TTC28: variants seen among roughly 807,000 people sequenced by gnomAD.
TTC28 encodes tetratricopeptide repeat protein 28.
A neutral mutation model predicts 198.0 loss-of-function variants in TTC28; 61 were observed. The ratio of observed to expected loss-of-function variants is 0.31; its 90% CI spans 0.25 to 0.38. The LOEUF is 0.38. TTC28 is among the 10% of genes least tolerant of loss of function. TTC28 has a pLI of 1.00. For synonymous variants in TTC28, 1,171 were observed against 1,297.8 expected, an observed-to-expected ratio of 0.90 and a Z score of 2.10; for missense variants, 2,678 against 3,164.0, an observed-to-expected ratio of 0.85 and a Z score of 3.69.
At chr22:28,100,415 A>G (rs1942108334) in intron 9 of TTC28, among the ~76,000 whole-genome samples, 1 of 152,260 alleles carries the variant, frequency 6.6e-6, no homozygotes, top group South Asian at 2.1e-4. Flanking sequence ...GCAAATCACA[A>G]TATCAACACA....
chr22:28,342,792 C>G (rs1201114081), intron 2 of TTC28, among the ~76,000 whole-genome samples: 1 of 152,174 alleles, frequency 6.6e-6, no homozygotes, highest in African/African-American at 2.4e-5. Context: ...AGCTCTTGAT[C>G]ACATTATAGC....
chr22:28,527,963 G>T (rs1385862715), intron 2 of TTC28, among the ~76,000 whole-genome samples: 1 of 152,114 alleles, frequency 6.6e-6, no homozygotes, highest in East Asian at 1.9e-4. Flanking sequence ...CAGAACAAGT[G>T]TGCATGTAAG....
At chr22:28,440,088 G>A (rs535101438) in intron 2 of TTC28, among the ~76,000 whole-genome samples, 57 of 152,280 alleles carry the variant, frequency 3.7e-4, no homozygotes, top group African/African-American at 1.3e-3. Context: ...CGCTCGCCTC[G>A]GCCTCCCAAA....
intron 5 of TTC28, among the ~76,000 whole-genome samples, chr22:28,167,848 G>T (rs1256349070): frequency 5.9e-5 from 9 of 152,154 alleles, no homozygotes; most frequent in South Asian, 4.1e-4. Flanking sequence ...AGGAAATAAA[G>T]GGTATTCAAT....
chr22:28,068,730 T>C (rs569283501), intron 12 of TTC28, among the ~76,000 whole-genome samples: 2 of 152,318 alleles, frequency 1.3e-5, no homozygotes, highest in East Asian at 3.9e-4. Context: ...AGGTAAATTC[T>C]CAAGGACTGC....
At chr22:28,111,457 T>A (rs1942479564) in intron 6 of TTC28, among the ~76,000 whole-genome samples, 1 of 152,236 alleles carries the variant, frequency 6.6e-6, no homozygotes, top group East Asian at 1.9e-4. Flanking sequence ...GAATTTAACA[T>A]GTGGTCCTAA....
At chr22:28,401,854 A>C (rs1220970099) in intron 2 of TTC28, among the ~76,000 whole-genome samples, 2 of 152,238 alleles carry the variant, frequency 1.3e-5, no homozygotes, top group African/African-American at 4.8e-5. Flanking sequence ...TAATTTACTG[A>C]TTGATGATGC....
chr22:28,615,650 A>G (rs1306564917), intron 2 of TTC28, among the ~76,000 whole-genome samples: 3 of 152,188 alleles, frequency 2.0e-5, no homozygotes, highest in Non-Finnish European at 4.4e-5. Flanking sequence ...TTGCAGGGAC[A>G]TGGATGAAGC....
intron 2 of TTC28, among the ~76,000 whole-genome samples, chr22:28,486,373 C>CT (rs2048315057): frequency 1.3e-5 from 2 of 152,074 alleles, no homozygotes; most frequent in African/African-American, 4.8e-5. Flanking sequence ...ATGAGACTAG[C>CT]TGCACACTGA....
chr22:28,468,868 G>A (rs2048062235), intron 2 of TTC28, among the ~76,000 whole-genome samples: 1 of 151,856 alleles, frequency 6.6e-6, no homozygotes. Context: ...ACAATTATAA[G>A]ACTGGCTCTC....
At chr22:28,675,131 A>G (rs766840786) in intron 1 of TTC28, among the ~76,000 whole-genome samples, 13 of 152,218 alleles carry the variant, frequency 8.5e-5, no homozygotes, top group Non-Finnish European at 1.9e-4. Context: ...AAGACCATCA[A>G]TAAAGGAAAG....
chr22:28,552,834 C>T (rs563835700), intron 2 of TTC28, among the ~76,000 whole-genome samples: 13 of 150,842 alleles, frequency 8.6e-5, no homozygotes, highest in African/African-American at 2.7e-4. Flanking sequence ...CCTCTGATGC[C>T]GAGCCAAAGC....
At chr22:28,316,940 T>A (rs969311753) in intron 2 of TTC28, among the ~76,000 whole-genome samples, 1 of 152,002 alleles carries the variant, frequency 6.6e-6, no homozygotes, top group Non-Finnish European at 1.5e-5. Context: ...CTAACTTAAA[T>A]TTTTTTCTTT....
At chr22:28,089,659 TATA>T (rs1224924948) in intron 12 of TTC28, among the ~76,000 whole-genome samples, 9 of 138,224 alleles carry the variant, frequency 6.5e-5, no homozygotes, top group African/African-American at 2.2e-4. Context: ...AAACTTAAAG[TATA>T]ATAATAATAA....
chr22:28,608,753 A>G (rs1444048960), intron 2 of TTC28, among the ~76,000 whole-genome samples: 2 of 152,186 alleles, frequency 1.3e-5, no homozygotes, highest in African/African-American at 4.8e-5. Context: ...ACTGTTTGGC[A>G]AAGGCTGAGA....
chr22:28,023,561 T>C (rs895212865), intron 13 of TTC28, among the ~76,000 whole-genome samples: 8 of 152,242 alleles, frequency 5.3e-5, no homozygotes, highest in Non-Finnish European at 1.2e-4. Context: ...CTTTCCACTT[T>C]CAATTTGTGG....
Position 27,983,024 on chromosome 22 carries a change from T to G in TTC28, c.6643A>C (p.Ser2215Arg). The G allele has an allele frequency of 6.4e-7, 1 of 1,551,708 alleles. No homozygotes were observed. Among genetic ancestry groups the G allele is most frequent in the Non-Finnish European group, 8.7e-7 (1 of 1,146,976 alleles). Residue 2215 changes from serine (S) to arginine (R), a missense_variant, in exon 23 of 23, where the codon AGC becomes CGC. Transcript: ENST00000397906. ...TTCTGATGGGAGAGAACAGGCCTGC[T>G]GAACGCACTGGTTTCTGACGCTCTG... is the stretch of plus-strand genomic sequence containing the variant. ...VFRASETSAF[S>R]RPVLSHQKSQ...
At chr22:28,482,886 T>C (rs1222941037) in intron 2 of TTC28, among the ~76,000 whole-genome samples, 1 of 152,236 alleles carries the variant, frequency 6.6e-6, no homozygotes, top group Non-Finnish European at 1.5e-5. Flanking sequence ...CTCATTCATG[T>C]TACAGCATGA....
chr22:28,528,938 G>T (rs1347692514), intron 2 of TTC28, among the ~76,000 whole-genome samples: 2 of 152,098 alleles, frequency 1.3e-5, no homozygotes, highest in Admixed American at 6.6e-5. Context: ...AGACATAAAA[G>T]AATGGGGAGG....
Sources: allele counts gnomAD v4.1 joint callset (sites outside exome capture counted in the v4.1 genomes callset), GRCh38; gene constraint gnomAD v4.1.1; transcripts MANE v1.5; gene names NCBI Gene and HGNC (gene_info 2026-07-23, HGNC 2026-07-21).